Variants in FOXP2 observed in about 807,000 individuals in gnomAD.
FOXP2 encodes forkhead box P2.
A neutral mutation model predicts 115.8 loss-of-function variants in FOXP2; 12 were observed. That is an observed-to-expected ratio of 0.10 (90% confidence interval 0.07 to 0.17). FOXP2 has a LOEUF of 0.17. Ranked by LOEUF, FOXP2 falls within the 10% of genes least tolerant of loss-of-function variation. FOXP2 has a pLI of 1.00. For missense variants in FOXP2, 629 were observed against 843.5 expected, an observed-to-expected ratio of 0.75 and a Z score of 3.15; for synonymous variants, 328 against 297.7, an observed-to-expected ratio of 1.10 and a Z score of -1.05.
At chr7:114,239,982 G>A (rs2129167394) in intron 1 of FOXP2, among the ~76,000 whole-genome samples, 1 of 152,242 alleles carries the variant, frequency 6.6e-6, no homozygotes, top group East Asian at 1.9e-4. Context: ...ATATGGGCAA[G>A]GGTTTACTTA....
At chr7:114,295,524 A>T (rs2129177326) in intron 2 of FOXP2, among the ~76,000 whole-genome samples, 1 of 152,342 alleles carries the variant, frequency 6.6e-6, no homozygotes, top group South Asian at 2.1e-4. Context: ...GATACCATGC[A>T]GCTTGAATGT....
intron 1 of FOXP2, among the ~76,000 whole-genome samples, chr7:114,217,128 A>T (rs1228324654): frequency 6.6e-6 from 1 of 152,150 alleles, no homozygotes; most frequent in Non-Finnish European, 1.5e-5. Context: ...TCCAGTCTAT[A>T]CCTTGGAATT....
chr7:114,298,944 A>G (rs1231281169), intron 2 of FOXP2, among the ~76,000 whole-genome samples: 10 of 152,210 alleles, frequency 6.6e-5, no homozygotes, highest in Admixed American at 6.5e-4. Context: ...GTAAGAACTC[A>G]TGAACCATAC....
intron 1 of FOXP2, among the ~76,000 whole-genome samples, chr7:114,273,786 A>T (rs1796120591): frequency 1.3e-5 from 2 of 152,002 alleles, no homozygotes; most frequent in African/African-American, 4.8e-5. Context: ...TTAGCATGCT[A>T]TATTTCTTTA....
At chr7:114,526,122 CAA>C (rs993571889) in intron 2 of FOXP2, among the ~76,000 whole-genome samples, 2 of 76,070 alleles carry the variant, frequency 2.6e-5, no homozygotes, top group African/African-American at 1.0e-4. Context: ...CAAAAACAAA[CAA>C]AAAGTTTTTA....
chr7:114,540,372 A>G (rs945248456), intron 3 of FOXP2, among the ~76,000 whole-genome samples: 5 of 152,202 alleles, frequency 3.3e-5, no homozygotes, highest in East Asian at 3.9e-4. Context: ...TGCTTGGTGA[A>G]TAATAGAGCT....
At chr7:114,334,958 T>TATATATATATATATAG (rs1562875899) in intron 2 of FOXP2, among the ~76,000 whole-genome samples, 5 of 136,338 alleles carry the variant, frequency 3.7e-5, no homozygotes, top group Admixed American at 7.5e-5. Flanking sequence ...TATATATATA[T>TATATATATATATATAG]AGAAATCCAA....
At chr7:114,376,587 A>C (rs1380095368) in intron 2 of FOXP2, among the ~76,000 whole-genome samples, 1 of 152,158 alleles carries the variant, frequency 6.6e-6, no homozygotes, top group Non-Finnish European at 1.5e-5. Flanking sequence ...GGAGAGCTAA[A>C]CCTTTCCTGA....
intron 13 of FOXP2, among the ~76,000 whole-genome samples, chr7:114,660,792 A>C (rs142854117): frequency 3.4e-4 from 52 of 152,274 alleles, no homozygotes; most frequent in African/African-American, 1.2e-3. Context: ...TAGATAATGT[A>C]GTGAATGTTC....
intron 1 of FOXP2, among the ~76,000 whole-genome samples, chr7:114,236,838 G>A (rs1008923696): frequency 7.9e-5 from 12 of 152,028 alleles, no homozygotes; most frequent in African/African-American, 2.2e-4. Context: ...CTAGCTGGGC[G>A]TGGTGGTGGA....
intron 2 of FOXP2, among the ~76,000 whole-genome samples, chr7:114,365,972 C>T (rs1791870254): frequency 6.6e-6 from 1 of 151,946 alleles, no homozygotes; most frequent in Non-Finnish European, 1.5e-5. Flanking sequence ...GGGGTTTTTA[C>T]CGTCAGTATG....
rs563090595 is a variant in FOXP2 at position 114,132,176 on chromosome 7, G to A, written c.-246-30768G>A. ...GTTTACATTTTAATAAACTAATATCGTATTAAACTGATACTTTATCTTATT... is the reference window on the plus strand; with the variant it reads ...GTTTACATTTTAATAAACTAATATCATATTAAACTGATACTTTATCTTATT... On this transcript the variant is annotated intron_variant, in intron 1 of 19. Transcript: ENST00000635638. Among the ~76,000 whole-genome samples, 13 of 152,008 alleles carry A rather than the reference G, an allele frequency of 8.6e-5. No individual in the cohort carries two copies. The South Asian group carries it at 1.7e-3, about 19-fold the overall frequency.
At chr7:114,103,335 A>G (rs1215541907) in intron 1 of FOXP2, among the ~76,000 whole-genome samples, 1 of 152,106 alleles carries the variant, frequency 6.6e-6, no homozygotes, top group Non-Finnish European at 1.5e-5. Flanking sequence ...CAGCCAGATA[A>G]TGAGGTTTTC....
intron 2 of FOXP2, among the ~76,000 whole-genome samples, chr7:114,321,531 A>G (rs1393920127): frequency 6.6e-6 from 1 of 152,118 alleles, no homozygotes; most frequent in Non-Finnish European, 1.5e-5. Flanking sequence ...GTCTCATTAA[A>G]AATAGTTCCC....
At chr7:114,330,067 T>A in intron 2 of FOXP2, among the ~76,000 whole-genome samples, 1 of 152,220 alleles carries the variant, frequency 6.6e-6, no homozygotes, top group East Asian at 1.9e-4. Context: ...TAATTTTTCA[T>A]CACAATGAGT....
intron 13 of FOXP2, chr7:114,661,734 A>G: frequency 2.9e-6 from 1 of 339,814 alleles, no homozygotes; most frequent in Non-Finnish European, 5.7e-6. Flanking sequence ...TTGATCAGGG[A>G]CACAACAGAG....
chr7:114,619,073 A>G (rs1252430966), intron 3 of FOXP2, among the ~76,000 whole-genome samples: 4 of 152,196 alleles, frequency 2.6e-5, no homozygotes. Flanking sequence ...AAGACTCGAT[A>G]TTCAACTTGA....
At chr7:114,494,954 CTAA>C (rs1231222416) in intron 2 of FOXP2, among the ~76,000 whole-genome samples, 5 of 152,244 alleles carry the variant, frequency 3.3e-5, no homozygotes, top group African/African-American at 1.2e-4. Context: ...CCTTTTCATT[CTAA>C]TAATGACAGG....
intron 1 of FOXP2, among the ~76,000 whole-genome samples, chr7:114,124,170 A>G (rs970855330): frequency 3.3e-5 from 5 of 152,010 alleles, no homozygotes; most frequent in African/African-American, 4.8e-5. Flanking sequence ...GGCCCTAGGA[A>G]GTAGGTAGTT....
Sources: gnomAD v4.1 joint callset for allele counts (sites outside exome capture counted in the v4.1 genomes callset) on GRCh38, gnomAD v4.1.1 for gene constraint, MANE v1.5 for transcripts, NCBI Gene and HGNC (gene_info 2026-07-23, HGNC 2026-07-21) for gene names.